APLP2: variants seen among roughly 807,000 people sequenced by gnomAD.
APLP2 encodes amyloid beta precursor like protein 2, also known as CDEI box-binding protein.
A neutral mutation model predicts 89.9 loss-of-function variants in APLP2; 53 were observed. The observed-to-expected ratio is 0.59, with a 90% confidence interval of 0.47 to 0.74. The LOEUF (loss-of-function observed/expected upper bound fraction) is 0.74, where lower values mean the gene tolerates loss of function less well. Among genes scored for constraint, APLP2 ranks in the 30% least tolerant of loss-of-function variants. The pLI, the probability that APLP2 is intolerant of heterozygous loss-of-function variation, is 0.00. For missense variants in APLP2, 973 were observed against 975.9 expected, an observed-to-expected ratio of 1.00 and a Z score of 0.04; for synonymous variants, 372 against 348.6, an observed-to-expected ratio of 1.07 and a Z score of -0.75.
intron 1 of APLP2, among the ~76,000 whole-genome samples, chr11:130,092,252 A>G (rs1945455857): frequency 7.2e-6 from 1 of 137,932 alleles, no homozygotes; most frequent in East Asian, 2.4e-4. Context: ...GCAGCCAGGC[A>G]GAGGGGCTCC....
At position 130,107,725 on chromosome 11, in the gene APLP2, A is replaced by C. The variant is rs532415070; in HGVS notation, c.106-1704A>C. Among the ~76,000 whole-genome samples, 408 of 152,352 alleles carry C rather than the reference A, an allele frequency of 2.7e-3. 1 individual carries two copies. The highest frequency in any genetic ancestry group is 4.7e-3 in the Non-Finnish European group (319 of 68,032). The stretch of plus-strand genomic sequence containing the variant: ...ATTGGAAAAAACTACTTTAAAGTTC[A>C]TATGGAACCAAAAAAGAGCCCGCGT... On this transcript the variant is annotated intron_variant, in intron 1 of 16. Transcript: ENST00000338167.
intron 1 of APLP2, among the ~76,000 whole-genome samples, chr11:130,075,034 A>G (rs942362255): frequency 2.0e-5 from 3 of 152,376 alleles, no homozygotes; most frequent in Non-Finnish European, 2.9e-5. Flanking sequence ...CTAAGATGGA[A>G]AGTGGACTAT....
At chr11:130,080,785 C>T (rs1374076393) in intron 1 of APLP2, among the ~76,000 whole-genome samples, 2 of 150,894 alleles carry the variant, frequency 1.3e-5, no homozygotes. Flanking sequence ...CAAGCTCCGC[C>T]TCCCGGGTTC....
chr11:130,076,527 G>T (rs1353283174), intron 1 of APLP2, among the ~76,000 whole-genome samples: 1 of 152,178 alleles, frequency 6.6e-6, no homozygotes, highest in African/African-American at 2.4e-5. Flanking sequence ...ATTTGGAAGA[G>T]AGAAGGCTGC....
At chr11:130,075,753 A>T (rs1942021273) in intron 1 of APLP2, among the ~76,000 whole-genome samples, 1 of 152,220 alleles carries the variant, frequency 6.6e-6, no homozygotes, top group Admixed American at 6.5e-5. Context: ...CGACCAGGGG[A>T]AGGAGTCTGC....
rs756329522 is a variant in APLP2, at chr11:130,127,492, A to G, written c.1222-274A>G. Among the ~76,000 whole-genome samples the G allele has an allele frequency of 1.2e-4, 18 of 152,132 alleles. 1 individual carries two copies. The highest frequency in any genetic ancestry group is 1.9e-4 in the East Asian group (1 of 5,200). On this transcript the variant is annotated intron_variant, in intron 8 of 16. Coordinates refer to ENST00000338167, the MANE Select transcript of APLP2 (RefSeq NM_001142276.2). ...CTCTGAAAAGTAGGTATTAACCTCA[A>G]TTTTTTTGGTGAGGAGACTAAGGCA...
chr11:130,083,023 TTTC>T lies in APLP2; in HGVS notation c.105+12944_105+12946del, dbSNP rs1245676791. ...ATATATTAACCACTGAAACTTTTCT[TTTC>T]TTTTTTTTTTTTTTTTTTTTTTTTT... On this transcript the variant is annotated intron_variant, in intron 1 of 16. Coordinates refer to ENST00000338167, the MANE Select transcript of APLP2 (RefSeq NM_001142276.2). Among the ~76,000 whole-genome samples, 355 of 135,390 alleles carry T rather than the reference TTTC, an allele frequency of 2.6e-3. 27 individuals carry two copies. Among genetic ancestry groups the T allele is most frequent in the East Asian group, 0.015 (67 of 4,582 alleles). The allele number at this position is 135,390 out of a possible 152,430, so 88.8% of individuals were successfully genotyped here.
At chr11:130,134,660 T>A (rs1347357853) in intron 12 of APLP2, among the ~76,000 whole-genome samples, 1 of 152,180 alleles carries the variant, frequency 6.6e-6, no homozygotes, top group Non-Finnish European at 1.5e-5. Flanking sequence ...AGGAAGCGAT[T>A]TTAGAAATTC....
chr11:130,087,128 G>C (rs995708863), intron 1 of APLP2, among the ~76,000 whole-genome samples: 2 of 152,174 alleles, frequency 1.3e-5, no homozygotes, highest in Non-Finnish European at 2.9e-5. Context: ...GTAATTAACA[G>C]AATACAATTA....
intron 1 of APLP2, among the ~76,000 whole-genome samples, chr11:130,101,762 G>A (rs1264330842): frequency 2.0e-5 from 3 of 152,160 alleles, no homozygotes; most frequent in African/African-American, 2.4e-5. Context: ...TGCATAACTC[G>A]TAATGCGATG....
At position 130,123,897 on chromosome 11, in the gene APLP2, C is replaced by A; in HGVS notation, c.1090+118C>A. ...CCCTGCCCACTCGGGTGTTTGCTGTCGGTCGTCTTCCCCTCATCTTTGTGC... is the reference window on the plus strand; with the variant it reads ...CCCTGCCCACTCGGGTGTTTGCTGTAGGTCGTCTTCCCCTCATCTTTGTGC... On this transcript the variant is annotated intron_variant, in intron 7 of 16. Transcript: ENST00000338167. This position sits in a 1 kb window ranked among gnomAD's most constrained non-coding sequence, Gnocchi z 4.0. The A allele has an allele frequency of 8.8e-7, 1 of 1,131,014 alleles. No individual in the cohort carries two copies. The highest frequency in any genetic ancestry group is 1.3e-6 in the Non-Finnish European group (1 of 784,518). 70.1% of individuals were successfully genotyped at this position (1,131,014 alleles called of 1,614,324 possible).
chr11:130,089,677 T>C (rs754177058), intron 1 of APLP2, among the ~76,000 whole-genome samples: 2 of 152,246 alleles, frequency 1.3e-5, no homozygotes, highest in Non-Finnish European at 2.9e-5. Context: ...TGTTTCACTT[T>C]TCTGGTTTTC....
At chr11:130,112,758 C>G (rs1948742466) in intron 3 of APLP2, among the ~76,000 whole-genome samples, 1 of 152,158 alleles carries the variant, frequency 6.6e-6, no homozygotes, top group South Asian at 2.1e-4. Context: ...AATCATGTCT[C>G]TCATGCACAA....
chr11:130,136,710 A>G (rs556833186), intron 13 of APLP2, among the ~76,000 whole-genome samples: 25 of 152,246 alleles, frequency 1.6e-4, no homozygotes, highest in African/African-American at 5.8e-4. Context: ...ATAAAACAGG[A>G]TCTGAGGAAG....
At chr11:130,081,199 T>C (rs1412986121) in intron 1 of APLP2, among the ~76,000 whole-genome samples, 1 of 152,202 alleles carries the variant, frequency 6.6e-6, no homozygotes, top group Non-Finnish European at 1.5e-5. Context: ...GGTCATTACA[T>C]ATTTTGTAAC....
intron 3 of APLP2, among the ~76,000 whole-genome samples, chr11:130,111,453 G>T (rs1039415433): frequency 6.6e-6 from 1 of 152,142 alleles, no homozygotes; most frequent in African/African-American, 2.4e-5. Context: ...TAGACATCCT[G>T]AGTGGTTCTG....
At chr11:130,077,878 GCC>G (rs1942406366) in intron 1 of APLP2, among the ~76,000 whole-genome samples, 1 of 152,164 alleles carries the variant, frequency 6.6e-6, no homozygotes, top group Non-Finnish European at 1.5e-5. Context: ...TCAGGAAAGT[GCC>G]AGCCACCCTT....
At chr11:130,130,199 A>AG in intron 11 of APLP2, 33 bp downstream of exon 11, 1 of 1,614,172 alleles carries the variant, frequency 6.2e-7, no homozygotes, top group Non-Finnish European at 8.5e-7. Context: ...TGCTGCCGTG[A>AG]GGGCATTTCC....
chr11:130,127,692 A>G, intron 8 of APLP2, 74 bp from the exon 9 acceptor site: 2 of 1,209,538 alleles, frequency 1.7e-6, no homozygotes, highest in Non-Finnish European at 2.5e-6. Flanking sequence ...AGCATCTGAC[A>G]GTGTTTTTAG....
Sources: allele counts gnomAD v4.1 joint callset (sites outside exome capture counted in the v4.1 genomes callset), GRCh38; gene constraint gnomAD v4.1.1; non-coding constraint Gnocchi (gnomAD v3.1); transcripts MANE v1.5; gene names NCBI Gene and HGNC (gene_info 2026-07-23, HGNC 2026-07-21).